ZNF407: variants seen among roughly 807,000 people sequenced by gnomAD.
ZNF407 encodes zinc finger protein 407.
ZNF407 carries 17 observed loss-of-function variants against 131.2 expected under a neutral mutation model. The ratio of observed to expected loss-of-function variants is 0.13; its 90% CI spans 0.09 to 0.19. ZNF407 has a LOEUF of 0.19. ZNF407 is among the 10% of genes least tolerant of loss of function. The pLI, the probability that ZNF407 is intolerant of heterozygous loss-of-function variation, is 1.00. For missense variants in ZNF407, 2,681 were observed against 2,830.6 expected, an observed-to-expected ratio of 0.95 and a Z score of 1.20; for synonymous variants, 1,156 against 1,062.0, an observed-to-expected ratio of 1.09 and a Z score of -1.72.
At chr18:74,626,166 T>C (rs765916123) in intron 1 of ZNF407, among the ~76,000 whole-genome samples, 1 of 152,168 alleles carries the variant, frequency 6.6e-6, no homozygotes, top group Non-Finnish European at 1.5e-5. Flanking sequence ...GAAATGGAGA[T>C]TAAAACCATA....
At chr18:74,720,756 G>C (rs1288327013) in intron 3 of ZNF407, among the ~76,000 whole-genome samples, 1 of 151,856 alleles carries the variant, frequency 6.6e-6, no homozygotes, top group Admixed American at 6.6e-5. Flanking sequence ...TCGTCAATGA[G>C]TGTTCTTGAA....
chr18:74,876,061 C>T (rs369911148), intron 4 of ZNF407, among the ~76,000 whole-genome samples: 8 of 152,258 alleles, frequency 5.3e-5, no homozygotes, highest in African/African-American at 1.2e-4. Context: ...TCTTTATCAG[C>T]CCTTATGGGG....
intron 8 of ZNF407, among the ~76,000 whole-genome samples, chr18:74,938,360 C>G (rs1972061541): frequency 6.6e-6 from 1 of 152,110 alleles, no homozygotes; most frequent in Non-Finnish European, 1.5e-5. Flanking sequence ...TATCTGCTGC[C>G]TTTGGGTGAA....
At chr18:74,983,659 A>G (rs1972619235) in intron 8 of ZNF407, among the ~76,000 whole-genome samples, 1 of 152,252 alleles carries the variant, frequency 6.6e-6, no homozygotes, top group Non-Finnish European at 1.5e-5. Flanking sequence ...TTTTACAAAC[A>G]TAGCAATTAG....
At chr18:74,609,704 A>T (rs139910387) in intron 1 of ZNF407, among the ~76,000 whole-genome samples, 1 of 152,328 alleles carries the variant, frequency 6.6e-6, no homozygotes, top group East Asian at 1.9e-4. Flanking sequence ...AATGTGTTGT[A>T]CTAAGACATT....
chr18:74,766,730 A>T (rs1413881182), intron 3 of ZNF407, among the ~76,000 whole-genome samples: 1 of 152,322 alleles, frequency 6.6e-6, no homozygotes, highest in East Asian at 1.9e-4. Context: ...CCAAAAGGGA[A>T]TACACTAGCC....
intron 8 of ZNF407, among the ~76,000 whole-genome samples, chr18:74,965,442 A>G (rs1433166608): frequency 6.6e-6 from 1 of 152,114 alleles, no homozygotes; most frequent in Admixed American, 6.6e-5. Flanking sequence ...TATTTCACTT[A>G]ACATAATGAC....
Position 75,065,237 on chromosome 18 carries a change from A to C in ZNF407, c.*769A>C, listed in dbSNP as rs1267268784. 4 of 152,290 alleles carry C rather than the reference A, an allele frequency of 2.6e-5. No individual in the cohort carries two copies. Among genetic ancestry groups the C allele is most frequent in the Non-Finnish European group, 5.9e-5 (4 of 68,044 alleles). 9.4% of individuals were successfully genotyped at this position (152,290 alleles called of 1,614,324 possible). ...GTGCTTCTAATTTTGACTTAGTTTC[A>C]TACAGTAAAGCCTAAATGTGAAACG... On this transcript the variant is annotated 3_prime_UTR_variant, in exon 9 of 9. Transcript: ENST00000299687.
chr18:74,633,481 T>A lies in ZNF407; in HGVS notation c.2462T>A (p.Leu821Gln), dbSNP rs1217652524. The A allele has an allele frequency of 6.2e-7, 1 of 1,613,878 alleles. No homozygotes were observed. The highest frequency in any genetic ancestry group is 2.2e-5 in the East Asian group (1 of 44,896). ...LEKGMLASEELSQSGGSTKDD... is the reference protein window; with the variant it reads ...LEKGMLASEEQSQSGGSTKDD... The stretch of plus-strand genomic sequence containing the variant: ...AAGGGCATGCTGGCGTCTGAGGAAC[T>A]GTCACAGTCTGGTGGTAGCACCAAA... The change falls in exon 2 of 9, where the codon CTG becomes CAG. Residue 821 changes from leucine to glutamine, a missense_variant. Coordinates refer to ENST00000299687, the MANE Select transcript of ZNF407 (RefSeq NM_017757.3).
At chr18:74,925,966 A>G (rs1971907827) in intron 8 of ZNF407, among the ~76,000 whole-genome samples, 1 of 152,216 alleles carries the variant, frequency 6.6e-6, no homozygotes, top group Non-Finnish European at 1.5e-5. Context: ...GTTAACCTTC[A>G]GACTAGATTC....
chr18:74,935,731 G>A (rs996088560), intron 8 of ZNF407, among the ~76,000 whole-genome samples: 6 of 152,180 alleles, frequency 3.9e-5, no homozygotes, highest in African/African-American at 7.2e-5. Flanking sequence ...TGGAAGCACC[G>A]AGCAGGCAGA....
At chr18:74,691,049 C>T (rs576942507) in intron 3 of ZNF407, among the ~76,000 whole-genome samples, 1 of 152,188 alleles carries the variant, frequency 6.6e-6, no homozygotes, top group African/African-American at 2.4e-5. Flanking sequence ...GAGGCTGAGG[C>T]GGGTGGATCA....
intron 8 of ZNF407, among the ~76,000 whole-genome samples, chr18:74,990,286 C>T (rs1972703558): frequency 1.3e-5 from 2 of 152,162 alleles, no homozygotes; most frequent in Non-Finnish European, 2.9e-5. Flanking sequence ...TAGTAACTTA[C>T]CCTAGCTCAA....
At chr18:74,692,159 A>G (rs74326780) in intron 3 of ZNF407, among the ~76,000 whole-genome samples, 2,980 of 151,954 alleles carry the variant, frequency 0.02, 105 homozygotes, top group African/African-American at 0.068. Flanking sequence ...ATATACATAC[A>G]TATATATATG....
At chr18:74,735,709 A>T (rs759030181) in intron 3 of ZNF407, among the ~76,000 whole-genome samples, 6 of 151,840 alleles carry the variant, frequency 4.0e-5, no homozygotes, top group Non-Finnish European at 5.9e-5. Flanking sequence ...TTTACCAGAG[A>T]CTCTTTGTCC....
At chr18:74,811,878 G>A (rs1970201361) in intron 4 of ZNF407, among the ~76,000 whole-genome samples, 1 of 145,330 alleles carries the variant, frequency 6.9e-6, no homozygotes, top group Admixed American at 6.8e-5. Context: ...CTGTTGTGGG[G>A]TAAGGGGAAG....
chr18:74,788,185 T>G (rs983562309), intron 4 of ZNF407, among the ~76,000 whole-genome samples: 1 of 152,210 alleles, frequency 6.6e-6, no homozygotes, highest in Non-Finnish European at 1.5e-5. Flanking sequence ...GAAGTCCCAT[T>G]TTATGTCCGC....
chr18:74,936,128 T>C (rs1473483076), intron 8 of ZNF407, among the ~76,000 whole-genome samples: 1 of 152,250 alleles, frequency 6.6e-6, no homozygotes, highest in Non-Finnish European at 1.5e-5. Flanking sequence ...CGAAGACATT[T>C]TAAAGATATT....
At chr18:74,764,051 C>CTT (rs974739998) in intron 3 of ZNF407, among the ~76,000 whole-genome samples, 1 of 148,180 alleles carries the variant, frequency 6.7e-6, no homozygotes, top group African/African-American at 2.5e-5. Context: ...TTTTTTCTCT[C>CTT]TTTTTTTTTT....
Sources: allele counts gnomAD v4.1 joint callset (sites outside exome capture counted in the v4.1 genomes callset), GRCh38; gene constraint gnomAD v4.1.1; transcripts MANE v1.5; gene names NCBI Gene and HGNC (gene_info 2026-07-23, HGNC 2026-07-21).